The following GALC variants were observed in gnomAD, a reference collection of about 807,000 sequenced individuals.
The protein encoded by GALC is galactosylceramidase, also known as galactocerebrosidase.
Under a neutral mutation model 91.8 loss-of-function variants are expected in GALC, and 77 were observed. The ratio of observed to expected loss-of-function variants is 0.84; its 90% CI spans 0.70 to 1.01. GALC has a LOEUF of 1.01. GALC is among the 50% of genes least tolerant of loss of function. GALC has a pLI of 0.00. For missense variants in GALC, 882 were observed against 855.9 expected (o/e 1.03, Z -0.38); for synonymous variants, 357 against 306.7 (o/e 1.16, Z -1.71).
chr14:87,952,938 C>T lies in GALC; in HGVS notation c.1162-2190G>A, dbSNP rs117236959. On this transcript the variant is annotated intron_variant, in intron 10 of 16. Coordinates refer to ENST00000261304, the MANE Select transcript of GALC (RefSeq NM_000153.4). Reference sequence around the variant, plus strand: ...TGAAAATAAAATTATAGATGAACAGCCTAAACATCAGTCAGATATCTGTGG... The same window carrying T: ...TGAAAATAAAATTATAGATGAACAGTCTAAACATCAGTCAGATATCTGTGG... 8.8e-4 allele frequency: 782 copies of T among 884,522 alleles called. 3 individuals are homozygous for T. The highest frequency in any genetic ancestry group is 1.9e-3 in the Admixed American group (107 of 55,092). The allele number at this position is 884,522 out of a possible 1,614,324, so 54.8% of individuals were successfully genotyped here.
At chr14:87,975,000 C>G (rs903332003) in intron 7 of GALC, among the ~76,000 whole-genome samples, 1 of 151,956 alleles carries the variant, frequency 6.6e-6, no homozygotes, top group African/African-American at 2.4e-5. Context: ...CTTTGTTTTC[C>G]TTCAAGACTT....
rs775394812 is a variant in GALC at position 87,949,828 on chromosome 14, AT to A, written c.1338+16del. 1 of 1,372,922 alleles carries A rather than the reference AT, an allele frequency of 7.3e-7. No homozygotes were observed. The highest frequency in any genetic ancestry group is 1.0e-6 in the Non-Finnish European group (1 of 962,272). 85.0% of individuals were successfully genotyped at this position (1,372,922 alleles called of 1,614,324 possible). A position where few individuals can be genotyped will look rare whatever the true frequency, so the allele number is the denominator to read the frequency against. ...CTGTTGGAATACCCAAAATATAAGA[AT>A]TTACTTTAAAATTACCCATAGAGAA... On this transcript the variant is annotated intron_variant, in intron 12 of 16. Transcript: ENST00000261304.
At chr14:87,949,498 C>G (rs749882882) in intron 12 of GALC, among the ~76,000 whole-genome samples, 4 of 151,858 alleles carry the variant, frequency 2.6e-5, no homozygotes, top group Non-Finnish European at 5.9e-5. Context: ...TTTCTGAAAT[C>G]CAGGAGAGCG....
At chr14:87,987,098 T>C (rs1344725276) in intron 3 of GALC, 6 of 449,304 alleles carry the variant, frequency 1.3e-5, no homozygotes, top group Non-Finnish European at 8.9e-6. Flanking sequence ...AAGGAATGAG[T>C]ATACATATCC....
At chr14:87,954,910 G>A (rs1885460050) in intron 10 of GALC, 2 of 1,565,936 alleles carry the variant, frequency 1.3e-6, no homozygotes, top group East Asian at 4.5e-5. Flanking sequence ...GACTGTAGTT[G>A]ATGGAAGACA....
At chr14:87,966,146 G>A (rs972337513) in intron 8 of GALC, among the ~76,000 whole-genome samples, 3 of 152,120 alleles carry the variant, frequency 2.0e-5, no homozygotes, top group African/African-American at 7.2e-5. Context: ...GTAAAATGAG[G>A]ATAATAATTA....
At chr14:87,988,570 T>C (rs1452221099) in intron 1 of GALC, 47 bp from the exon 2 acceptor site, 1 of 1,295,742 alleles carries the variant, frequency 7.7e-7, no homozygotes, top group South Asian at 1.2e-5. Flanking sequence ...AATCCAGTCA[T>C]GAATATCTGT....
chr14:87,934,620 T>G lies in GALC; in HGVS notation c.*112A>C. ...TCTCTCCCCTTTTACTCTTCATTAT[T>G]TTTAGTCTCAAAAGCCTCATATACT... is the stretch of plus-strand genomic sequence containing the variant. On this transcript the variant is annotated 3_prime_UTR_variant, in exon 17 of 17. Coordinates refer to ENST00000261304, the MANE Select transcript of GALC (RefSeq NM_000153.4). 2 of 1,582,314 alleles carry G rather than the reference T, an allele frequency of 1.3e-6. No individual in the cohort carries two copies. Among genetic ancestry groups the G allele is most frequent in the Non-Finnish European group, 1.7e-6 (2 of 1,166,506 alleles).
chr14:87,962,507 G>T (rs1885847613), intron 10 of GALC, among the ~76,000 whole-genome samples: 3 of 151,754 alleles, frequency 2.0e-5, no homozygotes, highest in African/African-American at 4.8e-5. Context: ...ATATTTGAAA[G>T]AATTTGTTTT....
chr14:87,934,022 T>A lies in GALC; in HGVS notation c.*710A>T. ...CACCTGGAAAAACGTTCACAGAGAG[T>A]TATAGTGGTTACAAGACCAAAACTT... On this transcript the variant is annotated 3_prime_UTR_variant, in exon 17 of 17. Coordinates refer to ENST00000261304, the MANE Select transcript of GALC (RefSeq NM_000153.4). 6.5e-7 allele frequency: 1 copy of A among 1,534,200 alleles called. No homozygotes were observed. The highest frequency in any genetic ancestry group is 8.7e-7 in the Non-Finnish European group (1 of 1,145,790).
At position 87,934,028 on chromosome 14, in the gene GALC, T is replaced by C; in HGVS notation, c.*704A>G. 6.5e-7 allele frequency: 1 copy of C among 1,534,006 alleles called. No homozygotes were observed. The highest frequency in any genetic ancestry group is 8.7e-7 in the Non-Finnish European group (1 of 1,145,708). On this transcript the variant is annotated 3_prime_UTR_variant, in exon 17 of 17. Coordinates refer to ENST00000261304, the MANE Select transcript of GALC (RefSeq NM_000153.4). ...GAAAAACGTTCACAGAGAGTTATAG[T>C]GGTTACAAGACCAAAACTTGGAATC...
chr14:87,980,148 C>T (rs932450674), intron 6 of GALC, among the ~76,000 whole-genome samples: 3 of 151,992 alleles, frequency 2.0e-5, no homozygotes, highest in Non-Finnish European at 2.9e-5. Flanking sequence ...TTTGGGAGGC[C>T]GAGGCGGGCG....
intron 9 of GALC, among the ~76,000 whole-genome samples, chr14:87,964,767 C>A (rs755275340): frequency 2.0e-5 from 3 of 152,070 alleles, no homozygotes; most frequent in Non-Finnish European, 2.9e-5. Context: ...CCCAATTTGC[C>A]TCCATTGACA....
rs907203541 is a variant in GALC at position 87,933,817 on chromosome 14, G to A, written c.*915C>T. On this transcript the variant is annotated 3_prime_UTR_variant, in exon 17 of 17. Transcript: ENST00000261304. ...ACATCTTAGGAGATGATCCAATTCT[G>A]GGAGTTAGCAAATGTCTAAGTGCTC... 1.4e-5 allele frequency: 8 copies of A among 578,248 alleles called. No homozygotes were observed. The highest frequency in any genetic ancestry group is 2.1e-5 in the Non-Finnish European group (7 of 329,648). The allele number at this position is 578,248 out of a possible 1,614,324, so 35.8% of individuals were successfully genotyped here. A position where few individuals can be genotyped will look rare whatever the true frequency, so the allele number is the denominator to read the frequency against.
At chr14:87,947,378 A>AT (rs1277132303) in intron 13 of GALC, among the ~76,000 whole-genome samples, 4 of 152,052 alleles carry the variant, frequency 2.6e-5, no homozygotes, top group Non-Finnish European at 5.9e-5. Flanking sequence ...AAAGACAGAT[A>AT]TGAATGTGTC....
chr14:87,942,229 T>G (rs960038045), intron 14 of GALC, among the ~76,000 whole-genome samples: 8 of 152,034 alleles, frequency 5.3e-5, no homozygotes, highest in African/African-American at 1.7e-4. Context: ...TGAATGTGCA[T>G]GTCTAACAAG....
upstream of GALC, chr14:87,993,251 G>T: frequency 6.5e-7 from 1 of 1,540,586 alleles, no homozygotes. Flanking sequence ...TGATGCTGAC[G>T]CCGCCGCCGC....
chr14:87,935,825 G>A (rs411510), intron 16 of GALC, among the ~76,000 whole-genome samples: 145,613 of 152,116 alleles, frequency 0.96, 69,987 homozygotes, highest in Non-Finnish European at 1. Context: ...TATTTTATGC[G>A]TGGAAACACT....
chr14:87,960,512 C>T (rs1885757195), intron 10 of GALC, among the ~76,000 whole-genome samples: 1 of 151,934 alleles, frequency 6.6e-6, no homozygotes, highest in Admixed American at 6.6e-5. Flanking sequence ...CAAATTGTAC[C>T]CTGTGTCAAT....
Sources: gnomAD v4.1 joint callset for allele counts (sites outside exome capture counted in the v4.1 genomes callset) on GRCh38, gnomAD v4.1.1 for gene constraint, MANE v1.5 for transcripts, NCBI Gene and HGNC (gene_info 2026-07-23, HGNC 2026-07-21) for gene names.